Variants in ROCK2 observed in about 807,000 individuals in gnomAD.
The protein encoded by ROCK2 is Rho associated coiled-coil containing protein kinase 2, also known as rho-associated protein kinase 2.
Under a neutral mutation model 195.1 loss-of-function variants are expected in ROCK2, and 61 were observed. The ratio of observed to expected loss-of-function variants is 0.31; its 90% CI spans 0.25 to 0.39. The LOEUF is 0.39. Ranked by LOEUF, ROCK2 falls within the 10% of genes least tolerant of loss-of-function variation. The probability of loss-of-function intolerance (pLI) is 1.00; values close to 1 mark genes in which losing one functional copy is unlikely to be tolerated. For missense variants in ROCK2, 1,109 were observed against 1,637.4 expected (o/e 0.68, Z 5.57); for synonymous variants, 504 against 545.5 (o/e 0.92, Z 1.06).
Position 11,198,564 on chromosome 2 carries a change from T to C in ROCK2, c.3026A>G (p.Glu1009Gly). Residue 1009 changes from glutamate to glycine, a missense_variant, in exon 25 of 33, where the codon GAA becomes GGA. By Grantham distance (98) the Glu-to-Gly change is moderately conservative. Transcript: ENST00000315872. Reference protein sequence around the residue: ...VQEQLSRLKDEEISAAAIKAQ... With the variant: ...VQEQLSRLKDGEISAAAIKAQ... ...TTTAATAGCTGCTGCGCTTATTTCT[T>C]CATCTTTCAATCTTGACAGTTCTGA... The C allele has an allele frequency of 6.2e-7, 1 of 1,613,376 alleles. No individual in the cohort carries two copies. The highest frequency in any genetic ancestry group is 2.2e-5 in the East Asian group (1 of 44,776).
chr2:11,336,682 C>T (rs1436910940), intron 1 of ROCK2, among the ~76,000 whole-genome samples: 1 of 152,098 alleles, frequency 6.6e-6, no homozygotes, highest in East Asian at 1.9e-4. Flanking sequence ...AACAAAGGTG[C>T]CAAAGCAATC....
At chr2:11,202,190 G>T (rs1663877604) in intron 20 of ROCK2, 69 bp from the exon 21 acceptor site, 3 of 1,282,576 alleles carry the variant, frequency 2.3e-6, no homozygotes, top group Non-Finnish European at 2.3e-6. Flanking sequence ...CTCAAAGTAT[G>T]GTCTGGGGGA....
In ROCK2 at chr2:11,330,669, G is replaced by A. The variant is rs138768756; in HGVS notation, c.141+13327C>T. 8.2e-3 allele frequency among the ~76,000 whole-genome samples: 1,138 copies of A among 138,168 alleles called. 9 individuals are homozygous for A. The highest frequency in any genetic ancestry group is 0.022 in the Middle Eastern group (5 of 230). The allele number at this position is 138,168 out of a possible 152,430, so 90.6% of individuals were successfully genotyped here. On this transcript the variant is annotated intron_variant, in intron 1 of 32. Transcript: ENST00000315872. ...CTCTAGCCTGGGTGACAGAGACTGCGTCTCAAAAAAGTCTCAAAAAAAGGA... is the reference window on the plus strand; with the variant it reads ...CTCTAGCCTGGGTGACAGAGACTGCATCTCAAAAAAGTCTCAAAAAAAGGA...
At chr2:11,272,889 A>G (rs1005026209) in intron 3 of ROCK2, among the ~76,000 whole-genome samples, 2 of 145,538 alleles carry the variant, frequency 1.4e-5, no homozygotes, top group Admixed American at 7.0e-5. Context: ...AAAAAAAAAG[A>G]GCAAGAGTTA....
At chr2:11,262,293 G>GT (rs1201952570) in intron 3 of ROCK2, among the ~76,000 whole-genome samples, 2 of 151,654 alleles carry the variant, frequency 1.3e-5, no homozygotes, top group Non-Finnish European at 2.9e-5. Context: ...AGTTAACAGG[G>GT]GTTATAACAT....
chr2:11,322,596 G>A (rs970363375), intron 1 of ROCK2, among the ~76,000 whole-genome samples: 1 of 151,950 alleles, frequency 6.6e-6, no homozygotes, highest in Non-Finnish European at 1.5e-5. Context: ...AGCAAGTAAG[G>A]TATCATTTTA....
Position 11,211,676 on chromosome 2 carries a change from C to A in ROCK2, c.2203+5G>T, listed in dbSNP as rs1433424909. On this transcript the variant is annotated splice_donor_5th_base_variant and intron_variant, in intron 18 of 32. Coordinates refer to ENST00000315872, the MANE Select transcript of ROCK2 (RefSeq NM_004850.5). ...GCTGGAAAACCCTCTTTAAAAAATGCATACCTTTCATGGCTTCTGATTTGG... is the reference window on the plus strand; with the variant it reads ...GCTGGAAAACCCTCTTTAAAAAATGAATACCTTTCATGGCTTCTGATTTGG... 6.3e-7 allele frequency: 1 copy of A among 1,589,598 alleles called. No individual in the cohort carries two copies. The highest frequency in any genetic ancestry group is 1.2e-5 in the South Asian group (1 of 86,710).
chr2:11,298,466 T>A (rs1667603538), intron 1 of ROCK2, among the ~76,000 whole-genome samples: 1 of 100,514 alleles, frequency 9.9e-6, no homozygotes, highest in Non-Finnish European at 1.8e-5. Context: ...TGAGACTCCA[T>A]CTCAAAAAAA....
intron 4 of ROCK2, among the ~76,000 whole-genome samples, chr2:11,236,999 A>T (rs577626739): frequency 6.6e-6 from 1 of 152,270 alleles, no homozygotes; most frequent in African/African-American, 2.4e-5. Flanking sequence ...AAAACTATAA[A>T]AAATTAGCCA....
intron 1 of ROCK2, among the ~76,000 whole-genome samples, chr2:11,326,622 CTT>C (rs1668558451): frequency 2.0e-5 from 3 of 152,076 alleles, no homozygotes; most frequent in South Asian, 4.2e-4. Context: ...AGAAATGAGA[CTT>C]ATGTCTAGGG....
intron 17 of ROCK2, among the ~76,000 whole-genome samples, chr2:11,213,383 T>TG (rs1664314031): frequency 6.6e-6 from 1 of 152,096 alleles, no homozygotes; most frequent in Non-Finnish European, 1.5e-5. Flanking sequence ...TGCCGAGCTC[T>TG]GTAGCCTCAT....
At chr2:11,250,343 T>C (rs763766722) in intron 3 of ROCK2, among the ~76,000 whole-genome samples, 26 of 152,204 alleles carry the variant, frequency 1.7e-4, no homozygotes, top group African/African-American at 6.3e-4. Flanking sequence ...ATACTACCAA[T>C]GATGAGGTCA....
rs780864829 is a variant in ROCK2, at chr2:11,214,858, T to A, written c.1918A>T (p.Ile640Leu). 6.2e-7 allele frequency: 1 copy of A among 1,611,096 alleles called. No homozygotes were observed. Among genetic ancestry groups the A allele is most frequent in the South Asian group, 1.1e-5 (1 of 91,044 alleles). The change falls in exon 16 of 33, where the codon ATA becomes TTA. Residue 640 changes from isoleucine (I) to leucine (L), a missense_variant. Transcript: ENST00000315872. ...ERRDRTHGSE[I>L]INDLQGRICG... Reference sequence around the variant, plus strand: ...TCAATACCTTGTAAATCATTAATTATCTCTGATCCATGGGTTCGATCCCTC... The same window carrying A: ...TCAATACCTTGTAAATCATTAATTAACTCTGATCCATGGGTTCGATCCCTC...
At chr2:11,331,009 G>A (rs868699546) in intron 1 of ROCK2, among the ~76,000 whole-genome samples, 4 of 44,562 alleles carry the variant, frequency 9.0e-5, no homozygotes, top group Non-Finnish European at 1.9e-4. Flanking sequence ...GGAGGAAGGA[G>A]CAGAAAGAAG....
rs9349 is a variant in ROCK2 at position 11,180,614 on chromosome 2, A to G, written c.*2823T>C. On this transcript the variant is annotated 3_prime_UTR_variant, in exon 33 of 33. Coordinates refer to ENST00000315872, the MANE Select transcript of ROCK2 (RefSeq NM_004850.5). Reference sequence around the variant, plus strand: ...CCCACAAAACAAAAGTAAAAAATCCAATAAGAAAATCCCAGTATTCATGAT... The same window carrying G: ...CCCACAAAACAAAAGTAAAAAATCCGATAAGAAAATCCCAGTATTCATGAT... The G allele has an allele frequency of 6.6e-6, 1 of 152,226 alleles. No individual in the cohort carries two copies. The highest frequency in any genetic ancestry group is 2.4e-5 in the African/African-American group (1 of 41,470). 9.4% of individuals were successfully genotyped at this position (152,226 alleles called of 1,614,324 possible). A position where few individuals can be genotyped will look rare whatever the true frequency, so the allele number is the denominator to read the frequency against.
intron 18 of ROCK2, among the ~76,000 whole-genome samples, chr2:11,209,099 A>C (rs972574138): frequency 1.3e-5 from 2 of 152,190 alleles, no homozygotes; most frequent in African/African-American, 4.8e-5. Flanking sequence ...TATGTCTCTC[A>C]GTGTTACTAT....
chr2:11,309,491 TG>T (rs1328053763), intron 1 of ROCK2, among the ~76,000 whole-genome samples: 1 of 152,220 alleles, frequency 6.6e-6, no homozygotes, highest in South Asian at 2.1e-4. Flanking sequence ...ACTGGTTCTT[TG>T]ATAATGACTG....
intron 1 of ROCK2, among the ~76,000 whole-genome samples, chr2:11,317,610 A>ATTTTTTTTTTT (rs1300312547): frequency 1.2e-4 from 2 of 16,800 alleles, no homozygotes; most frequent in Admixed American, 7.6e-4. Context: ...ATATATATAT[A>ATTTTTTTTTTT]TATTTTTTTT....
intron 4 of ROCK2, among the ~76,000 whole-genome samples, chr2:11,241,137 C>A (rs1665413408): frequency 6.6e-6 from 1 of 151,878 alleles, no homozygotes; most frequent in Non-Finnish European, 1.5e-5. Context: ...TAAAAGTAAT[C>A]AAAAGGAATG....
Sources: allele counts gnomAD v4.1 joint callset (sites outside exome capture counted in the v4.1 genomes callset), GRCh38; gene constraint gnomAD v4.1.1; transcripts MANE v1.5; gene names NCBI Gene and HGNC (gene_info 2026-07-23, HGNC 2026-07-21).